BTBD10: variants seen among roughly 807,000 people sequenced by gnomAD.
BTBD10 encodes BTB domain containing 10.
In BTBD10, 21 loss-of-function variants were observed where a neutral mutation model predicts 53.2. That is an observed-to-expected ratio of 0.39 (90% CI 0.28 to 0.57). The LOEUF is 0.57. Among genes scored for constraint, BTBD10 ranks in the 20% least tolerant of loss-of-function variants. The pLI is 0.53. For missense variants in BTBD10, 360 were observed against 594.7 expected (o/e 0.61, Z 4.10); for synonymous variants, 149 against 192.7 (o/e 0.77, Z 1.88).
chr11:13,420,126 T>C (rs1443398228), intron 3 of BTBD10, among the ~76,000 whole-genome samples: 1 of 152,092 alleles, frequency 6.6e-6, no homozygotes, highest in Non-Finnish European at 1.5e-5. Context: ...CAGTAAAAGA[T>C]TAATAAGAAT....
rs759997243 is a variant in BTBD10, at chr11:13,389,150, AAG to A, written c.1118-11_1118-10del. On this transcript the variant is annotated splice_polypyrimidine_tract_variant and intron_variant, in intron 8 of 8. Coordinates refer to ENST00000278174, the MANE Select transcript of BTBD10 (RefSeq NM_032320.7). ...TTTGTAGGTAGGATAACCTGAAAGA[AAG>A]AAAGATTTTAAAAACTGAGGAGACA... The A allele has an allele frequency of 3.8e-5, 61 of 1,598,380 alleles. No individual in the cohort carries two copies. The African/African-American group carries it at 3.9e-4, about 10-fold the overall frequency.
chr11:13,441,193 A>C (rs995981483), intron 2 of BTBD10, among the ~76,000 whole-genome samples: 1 of 152,166 alleles, frequency 6.6e-6, no homozygotes, highest in African/African-American at 2.4e-5. Context: ...AGGCACCCTA[A>C]AAGTCCATCC....
intron 2 of BTBD10, among the ~76,000 whole-genome samples, chr11:13,429,120 G>A (rs1950400769): frequency 1.3e-5 from 2 of 151,912 alleles, no homozygotes; most frequent in African/African-American, 2.4e-5. Flanking sequence ...GACAAAAGAT[G>A]TGAAAAACTC....
chr11:13,431,645 C>T (rs1030957372), intron 2 of BTBD10, among the ~76,000 whole-genome samples: 10 of 152,218 alleles, frequency 6.6e-5, no homozygotes, highest in Admixed American at 5.2e-4. Context: ...AAAATGGTCA[C>T]TCTCAGAAGC....
chr11:13,446,996 G>C (rs2134037461), intron 1 of BTBD10, among the ~76,000 whole-genome samples: 1 of 152,176 alleles, frequency 6.6e-6, no homozygotes, highest in Non-Finnish European at 1.5e-5. Flanking sequence ...ATAGTAGAAA[G>C]AAACAATGTG....
At chr11:13,412,087 T>A (rs910655197) in intron 6 of BTBD10, among the ~76,000 whole-genome samples, 2 of 151,930 alleles carry the variant, frequency 1.3e-5, no homozygotes, top group African/African-American at 4.8e-5. Context: ...CGCCTCTGCC[T>A]CCCAAAGTGC....
At chr11:13,394,001 G>A (rs1949472317) in intron 8 of BTBD10, among the ~76,000 whole-genome samples, 1 of 152,100 alleles carries the variant, frequency 6.6e-6, no homozygotes, top group South Asian at 2.1e-4. Context: ...GCTGATAAAT[G>A]TAAAAGGAAT....
In BTBD10 at chr11:13,388,982, G is replaced by C; in HGVS notation, c.1277C>G (p.Thr426Ser). 1 of 1,614,160 alleles carries C rather than the reference G, an allele frequency of 6.2e-7. No homozygotes were observed. Among genetic ancestry groups the C allele is most frequent in the South Asian group, 1.1e-5 (1 of 91,076 alleles). ...DFQCVKSKSI[T>S]NLAAAAADIP... Reference sequence around the variant, plus strand: ...GTCTGCTGCAGCTGCTGCAAGATTGGTGATAGATTTACTCTTTACACACTG... The same window carrying C: ...GTCTGCTGCAGCTGCTGCAAGATTGCTGATAGATTTACTCTTTACACACTG... Residue 426 changes from threonine (T) to serine (S), a missense_variant, in exon 9 of 9, where the codon ACC becomes AGC. Around this residue, in one of 6 missense-constraint regions of BTBD10, gnomAD observed 52 missense variants for 180.4 expected, o/e 0.29. Coordinates refer to ENST00000278174, the MANE Select transcript of BTBD10 (RefSeq NM_032320.7).
chr11:13,389,631 T>C (rs2135723546), intron 8 of BTBD10, among the ~76,000 whole-genome samples: 1 of 152,300 alleles, frequency 6.6e-6, no homozygotes, highest in East Asian at 1.9e-4. Flanking sequence ...TTTCACCACG[T>C]TGCCCAGGCT....
chr11:13,408,933 C>A (rs1206031919), intron 6 of BTBD10, among the ~76,000 whole-genome samples: 1 of 152,184 alleles, frequency 6.6e-6, no homozygotes, highest in Non-Finnish European at 1.5e-5. Context: ...GATTATAGCA[C>A]TGAACAACTC....
At chr11:13,439,809 T>C in intron 2 of BTBD10, 1 of 1,231,982 alleles carries the variant, frequency 8.1e-7, no homozygotes, top group Non-Finnish European at 1.1e-6. Context: ...CACATATCCC[T>C]CTCAATCTTT....
At chr11:13,436,171 C>T (rs1194005352) in intron 2 of BTBD10, among the ~76,000 whole-genome samples, 2 of 152,164 alleles carry the variant, frequency 1.3e-5, no homozygotes, top group Admixed American at 6.5e-5. Context: ...GGGAACTTTT[C>T]CCTTTAAAAG....
Position 13,389,108 on chromosome 11 carries a change from CTT to C in BTBD10, c.1149_1150del (p.Arg384AlafsTer39). Reference sequence around the variant, plus strand: ...GATCACTTCTGGGCGGCCTCCAGGCCTTTTCTTTACTTTTTCTTTGTAGGTAG... The same window carrying C: ...GATCACTTCTGGGCGGCCTCCAGGCCTTCTTTACTTTTTCTTTGTAGGTAG... On this transcript the variant is annotated frameshift_variant, in exon 9 of 9. Transcript: ENST00000278174. LOFTEE classifies it high-confidence loss of function. The C allele has an allele frequency of 6.2e-7, 1 of 1,612,334 alleles. No homozygotes were observed. Among genetic ancestry groups the C allele is most frequent in the Non-Finnish European group, 8.5e-7 (1 of 1,179,408 alleles).
chr11:13,433,634 C>T (rs1383273306), intron 2 of BTBD10, among the ~76,000 whole-genome samples: 1 of 152,150 alleles, frequency 6.6e-6, no homozygotes, highest in Non-Finnish European at 1.5e-5. Flanking sequence ...AAATTCTACC[C>T]ATTGCCTGAT....
intron 1 of BTBD10, among the ~76,000 whole-genome samples, chr11:13,455,369 T>C (rs981471347): frequency 4.6e-5 from 7 of 152,258 alleles, no homozygotes; most frequent in Non-Finnish European, 1.0e-4. Flanking sequence ...CAAATTTTGC[T>C]GACTTCTTAA....
chr11:13,463,058 GC>G, intron 1 of BTBD10, 33 bp downstream of exon 1: 1 of 153,156 alleles, frequency 6.5e-6, no homozygotes, highest in Non-Finnish European at 1.5e-5. Flanking sequence ...CTCCCGCGCC[GC>G]CCCCGCCGAG....
chr11:13,390,372 G>C (rs937012911), intron 8 of BTBD10, among the ~76,000 whole-genome samples: 16 of 150,970 alleles, frequency 1.1e-4, no homozygotes, highest in Non-Finnish European at 4.4e-5. Context: ...TTTGGAGATA[G>C]AGTCTCTGTC....
At chr11:13,400,764 A>C (rs1033549791) in intron 8 of BTBD10, among the ~76,000 whole-genome samples, 1 of 152,260 alleles carries the variant, frequency 6.6e-6, no homozygotes, top group Non-Finnish European at 1.5e-5. Context: ...TCTAACTTAC[A>C]GTTCACAGAA....
intron 2 of BTBD10, among the ~76,000 whole-genome samples, chr11:13,430,456 T>G (rs1241124782): frequency 6.6e-6 from 1 of 152,190 alleles, no homozygotes; most frequent in Non-Finnish European, 1.5e-5. Flanking sequence ...AGAAACTGTT[T>G]CGGAGAAGAG....
Sources: gnomAD v4.1 joint callset for allele counts (sites outside exome capture counted in the v4.1 genomes callset) on GRCh38, gnomAD v4.1.1 for gene constraint, gnomAD v4.1.1 regional missense constraint, MANE v1.5 for transcripts, NCBI Gene and HGNC (gene_info 2026-07-23, HGNC 2026-07-21) for gene names.